The following UBTD1 variants were observed in gnomAD, a reference collection of about 807,000 sequenced individuals.
UBTD1 encodes ubiquitin domain-containing protein 1.
UBTD1 carries 19 observed loss-of-function variants against 21.7 expected under a neutral mutation model. That is an observed-to-expected ratio of 0.87 (90% confidence interval 0.61 to 1.28). The LOEUF is 1.28. UBTD1 is among the 50% of genes most tolerant of loss of function. The pLI is 0.00. For synonymous variants in UBTD1, 116 were observed against 135.1 expected (o/e 0.86, Z 0.98); for missense variants, 282 against 315.1 (o/e 0.89, Z 0.80).
At chr10:97,527,045 C>T (rs1038915100) in intron 1 of UBTD1, among the ~76,000 whole-genome samples, 2 of 150,342 alleles carry the variant, frequency 1.3e-5, no homozygotes, top group African/African-American at 2.5e-5. Flanking sequence ...GTGACAGGCA[C>T]CTGTAATACC....
In UBTD1 at chr10:97,570,418, C is replaced by A. The variant is rs748536032; in HGVS notation, c.579C>A (p.Phe193Leu). Residue 193 changes from phenylalanine to leucine, a missense_variant, in exon 3 of 3, where the codon TTC becomes TTA. Phe to Leu is a conservative substitution (Grantham distance 22). Coordinates refer to ENST00000370664, the MANE Select transcript of UBTD1 (RefSeq NM_024954.5). This position sits in a 1 kb window ranked among gnomAD's most constrained non-coding sequence, Gnocchi z 6.6. ...AGCCATCGTGGCAGCGGTGGTTCTT[C>A]TCCGGGAAGCTGCTCACAGACCGCA... is the stretch of plus-strand genomic sequence containing the variant. ...GIEPSWQRWF[F>L]SGKLLTDRTR... 6.2e-7 allele frequency: 1 copy of A among 1,613,266 alleles called. No homozygotes were observed. Among genetic ancestry groups the A allele is most frequent in the African/African-American group, 1.3e-5 (1 of 74,938 alleles).
intron 1 of UBTD1, among the ~76,000 whole-genome samples, chr10:97,565,942 G>C (rs2040715177): frequency 6.6e-6 from 1 of 152,038 alleles, no homozygotes. Context: ...TCGAATTCCT[G>C]GGCTCAAGTG....
At chr10:97,562,275 C>T (rs924607785) in intron 1 of UBTD1, among the ~76,000 whole-genome samples, 1 of 152,198 alleles carries the variant, frequency 6.6e-6, no homozygotes, top group African/African-American at 2.4e-5. Context: ...TGGTGTTACA[C>T]ATCTGTAATC....
intron 1 of UBTD1, among the ~76,000 whole-genome samples, chr10:97,535,025 A>G (rs913758548): frequency 6.6e-6 from 1 of 152,186 alleles, no homozygotes; most frequent in Non-Finnish European, 1.5e-5. Context: ...GCCTGGAAGA[A>G]GAGGGTTTGT....
chr10:97,565,699 A>C (rs1432601523), intron 1 of UBTD1, among the ~76,000 whole-genome samples: 1 of 151,770 alleles, frequency 6.6e-6, no homozygotes. Context: ...ATTTTTCTTT[A>C]TTTTTATTTT....
intron 1 of UBTD1, among the ~76,000 whole-genome samples, chr10:97,509,711 C>T (rs2040414478): frequency 6.6e-6 from 1 of 152,168 alleles, no homozygotes; most frequent in Non-Finnish European, 1.5e-5. Flanking sequence ...AGTGCAATGG[C>T]ATGATCTCGG....
At position 97,570,630 on chromosome 10, in the gene UBTD1, G is replaced by A; in HGVS notation, c.*107G>A. ...TCTTCAGGGGCCCTCCCCTCGGTGT[G>A]GCTGGTGGGTGAGCCGTGAAGGGAC... On this transcript the variant is annotated 3_prime_UTR_variant, in exon 3 of 3. Transcript: ENST00000370664. This position sits in a 1 kb window ranked among gnomAD's most constrained non-coding sequence, Gnocchi z 6.6. 1 of 1,391,858 alleles carries A rather than the reference G, an allele frequency of 7.2e-7. No individual in the cohort carries two copies. The highest frequency in any genetic ancestry group is 1.4e-5 in the South Asian group (1 of 72,504). 86.2% of individuals were successfully genotyped at this position (1,391,858 alleles called of 1,614,324 possible).
At chr10:97,502,859 ATATATACG>A (rs1326621359) in intron 1 of UBTD1, among the ~76,000 whole-genome samples, 1 of 148,498 alleles carries the variant, frequency 6.7e-6, no homozygotes. Flanking sequence ...ATATATACGT[ATATATACG>A]TATATATGTA....
chr10:97,539,576 CAGAG>C (rs1293446653), intron 1 of UBTD1, among the ~76,000 whole-genome samples: 1 of 150,940 alleles, frequency 6.6e-6, no homozygotes, highest in Non-Finnish European at 1.5e-5. Flanking sequence ...GCCTGGGTGA[CAGAG>C]AGAGGCCCCA....
chr10:97,504,313 T>G (rs946204250), intron 1 of UBTD1, among the ~76,000 whole-genome samples: 1 of 84,496 alleles, frequency 1.2e-5, no homozygotes, highest in African/African-American at 3.3e-5. Context: ...ATTACTCCTT[T>G]GCTCAAGCCT....
chr10:97,541,128 G>T (rs1564741028), intron 1 of UBTD1, among the ~76,000 whole-genome samples: 1 of 152,142 alleles, frequency 6.6e-6, no homozygotes, highest in South Asian at 2.1e-4. Context: ...TAAAAGAAGA[G>T]TAGTCATATT....
intron 1 of UBTD1, among the ~76,000 whole-genome samples, chr10:97,501,089 T>C (rs1164277858): frequency 6.6e-6 from 1 of 152,204 alleles, no homozygotes; most frequent in Non-Finnish European, 1.5e-5. Flanking sequence ...TGGGTCTTCC[T>C]TCCGCGGGAC....
chr10:97,506,200 C>T (rs1356671479), intron 1 of UBTD1, among the ~76,000 whole-genome samples: 1 of 152,176 alleles, frequency 6.6e-6, no homozygotes, highest in Admixed American at 6.5e-5. Flanking sequence ...TCCGGGAGTG[C>T]CCTGCCTCAA....
chr10:97,506,391 G>C (rs777273442), intron 1 of UBTD1, among the ~76,000 whole-genome samples: 2 of 152,194 alleles, frequency 1.3e-5, no homozygotes, highest in South Asian at 2.1e-4. Context: ...TTGGGCTTTG[G>C]GGGTTCATGT....
intron 1 of UBTD1, among the ~76,000 whole-genome samples, chr10:97,528,284 G>A (rs1192153633): frequency 3.9e-5 from 5 of 128,966 alleles, no homozygotes; most frequent in Admixed American, 7.3e-5. Context: ...CGGACGGGGC[G>A]GCTGGCCGGG....
At chr10:97,515,612 CCT>C (rs1047441844) in intron 1 of UBTD1, among the ~76,000 whole-genome samples, 3 of 152,172 alleles carry the variant, frequency 2.0e-5, no homozygotes, top group African/African-American at 7.2e-5. Flanking sequence ...TTAGATTCTC[CCT>C]CTCTCTCATC....
At chr10:97,529,830 C>G (rs2040519614) in intron 1 of UBTD1, among the ~76,000 whole-genome samples, 2 of 152,098 alleles carry the variant, frequency 1.3e-5, no homozygotes, top group African/African-American at 4.8e-5. Context: ...TCATTCTGAC[C>G]ACCTCCTGCC....
chr10:97,564,294 T>C (rs1455679740), intron 1 of UBTD1, among the ~76,000 whole-genome samples: 1 of 152,168 alleles, frequency 6.6e-6, no homozygotes, highest in African/African-American at 2.4e-5. Flanking sequence ...AGTGCGTCCA[T>C]ATAAAAGTTC....
chr10:97,525,715 T>C (rs2040485504), intron 1 of UBTD1, among the ~76,000 whole-genome samples: 1 of 152,226 alleles, frequency 6.6e-6, no homozygotes, highest in Non-Finnish European at 1.5e-5. Context: ...GGATGACATA[T>C]AAATACCTGA....
Sources: gnomAD v4.1 joint callset for allele counts (sites outside exome capture counted in the v4.1 genomes callset) on GRCh38, gnomAD v4.1.1 for gene constraint, Gnocchi (gnomAD v3.1) non-coding constraint, MANE v1.5 for transcripts, NCBI Gene and HGNC (gene_info 2026-07-23, HGNC 2026-07-21) for gene names.